Variants in PI4K2A observed in about 807,000 individuals in gnomAD.
PI4K2A encodes the protein phosphatidylinositol 4-kinase type 2-alpha.
A neutral mutation model predicts 55.0 loss-of-function variants in PI4K2A; 20 were observed. The observed-to-expected ratio is 0.36, with a 90% CI of 0.26 to 0.53. The LOEUF is 0.53. Among genes scored for constraint, PI4K2A ranks in the 20% least tolerant of loss-of-function variants. The pLI is 0.91. For missense variants in PI4K2A, 463 were observed against 637.1 expected, an observed-to-expected ratio of 0.73 and a Z score of 2.94; for synonymous variants, 235 against 258.5, an observed-to-expected ratio of 0.91 and a Z score of 0.87.
At chr10:97,654,966 A>T (rs1329375910) in intron 2 of PI4K2A, among the ~76,000 whole-genome samples, 1 of 152,158 alleles carries the variant, frequency 6.6e-6, no homozygotes, top group Non-Finnish European at 1.5e-5. Context: ...CCTTCCTCAG[A>T]GGCAGCCAGG....
In PI4K2A at chr10:97,656,333, G is replaced by T; in HGVS notation, c.685G>T (p.Val229Leu). Residue 229 changes from valine (V) to leucine (L), a missense_variant, in exon 3 of 9, where the codon GTG becomes TTG. Around this residue, in one of 2 missense-constraint regions of PI4K2A, gnomAD observed 277 missense variants for 432.6 expected, o/e 0.64. Coordinates refer to ENST00000370631, the Ensembl canonical transcript of PI4K2A. The surrounding 1 kb of genome is among the most constrained non-coding windows in gnomAD (Gnocchi z 4.5). Reference sequence around the variant, plus strand: ...CTTCAACTATAGTGCCATTGACCGAGTGAAGTCCAGGGGCAAGCGGCTTGC... The same window carrying T: ...CTTCAACTATAGTGCCATTGACCGATTGAAGTCCAGGGGCAAGCGGCTTGC... 6.2e-7 allele frequency: 1 copy of T among 1,613,768 alleles called. No individual in the cohort carries two copies. Among genetic ancestry groups the T allele is most frequent in the Non-Finnish European group, 8.5e-7 (1 of 1,179,656 alleles).
intron 1 of PI4K2A, among the ~76,000 whole-genome samples, chr10:97,650,256 A>G (rs2041524156): frequency 6.8e-6 from 1 of 146,264 alleles, no homozygotes. Flanking sequence ...CTCACGATCT[A>G]CCACTGAATT....
intron 8 of PI4K2A, among the ~76,000 whole-genome samples, chr10:97,671,168 C>A (rs1305478662): frequency 6.6e-6 from 1 of 151,614 alleles, no homozygotes; most frequent in African/African-American, 2.4e-5. Context: ...AGAGAGAAGA[C>A]AGGACACCTT....
At chr10:97,655,159 C>T (rs2041546831) in intron 2 of PI4K2A, among the ~76,000 whole-genome samples, 1 of 152,008 alleles carries the variant, frequency 6.6e-6, no homozygotes, top group Non-Finnish European at 1.5e-5. Context: ...CACCTGAGGT[C>T]AGGAGATCAA....
intron 5 of PI4K2A, 107 bp downstream of exon 5, chr10:97,663,075 G>A: frequency 2.6e-6 from 2 of 769,054 alleles, no homozygotes; most frequent in Non-Finnish European, 4.6e-6. Flanking sequence ...AGAATCGGGG[G>A]GCGCATATGT....
chr10:97,649,037 T>C (rs779419780), intron 1 of PI4K2A, among the ~76,000 whole-genome samples: 3 of 152,204 alleles, frequency 2.0e-5, no homozygotes, highest in Admixed American at 6.6e-5. Flanking sequence ...CGACCAGTTA[T>C]TGTTAGCGAC....
intron 1 of PI4K2A, among the ~76,000 whole-genome samples, chr10:97,641,531 G>C (rs181666002): frequency 2.6e-5 from 4 of 152,314 alleles, no homozygotes; most frequent in African/African-American, 9.6e-5. Context: ...CCGACTTGCA[G>C]ATTTGGGGCT....
intron 1 of PI4K2A, among the ~76,000 whole-genome samples, chr10:97,641,914 G>A (rs1372657246): frequency 2.0e-5 from 3 of 152,048 alleles, no homozygotes; most frequent in Non-Finnish European, 4.4e-5. Context: ...CCTTTATTTT[G>A]TCCCCTGCCT....
intron 1 of PI4K2A, among the ~76,000 whole-genome samples, chr10:97,642,884 TCTTCCTTC>T (rs1246613020): frequency 0.015 from 1,448 of 96,742 alleles, 68 homozygotes; most frequent in Middle Eastern, 0.072. Flanking sequence ...TTTCTTTCTT[TCTTCCTTC>T]CTTCCTTCCT....
rs1299527101 is a variant in PI4K2A, at chr10:97,650,862, C to G, written c.436-79C>G. On this transcript the variant is annotated intron_variant, in intron 1 of 8. Transcript: ENST00000370631. ...TCTGCCTATGCCCTGTCATTTCTTT[C>G]CAGATTCCTGCTGACTTGGTCTGTG... 3 of 1,057,994 alleles carry G rather than the reference C, an allele frequency of 2.8e-6. No individual in the cohort carries two copies. In the South Asian group the frequency reaches 4.3e-5, roughly 15 times the overall value. The allele number at this position is 1,057,994 out of a possible 1,614,324, so 65.5% of individuals were successfully genotyped here.
intron 8 of PI4K2A, among the ~76,000 whole-genome samples, chr10:97,670,864 G>A (rs1315253884): frequency 6.6e-6 from 1 of 152,120 alleles, no homozygotes. Flanking sequence ...AGGGCCAGGC[G>A]TGGTGGCTCA....
intron 8 of PI4K2A, among the ~76,000 whole-genome samples, chr10:97,668,332 C>CT (rs770235231): frequency 1.3e-5 from 2 of 152,192 alleles, no homozygotes; most frequent in Non-Finnish European, 2.9e-5. Context: ...AATCCCAGCA[C>CT]TTTGAGAGGC....
chr10:97,656,837 T>G lies in PI4K2A; in HGVS notation c.785T>G (p.Leu262Arg), dbSNP rs1168726095. Residue 262 changes from leucine to arginine, a missense_variant, in exon 4 of 9, where the codon CTC becomes CGC. Transcript: ENST00000370631. The surrounding 1 kb of genome is among the most constrained non-coding windows in gnomAD (Gnocchi z 4.5). Reference sequence around the variant, plus strand: ...TGGTTCCAGGTTGGTTCATTCCAGCTCTTTGTTGAAGGCTACAAAGATGCA... The same window carrying G: ...TGGTTCCAGGTTGGTTCATTCCAGCGCTTTGTTGAAGGCTACAAAGATGCA... 6.2e-7 allele frequency: 1 copy of G among 1,614,168 alleles called. No individual in the cohort carries two copies. Among genetic ancestry groups the G allele is most frequent in the East Asian group, 2.2e-5 (1 of 44,876 alleles).
chr10:97,644,049 C>T (rs2041492394), intron 1 of PI4K2A, among the ~76,000 whole-genome samples: 1 of 152,104 alleles, frequency 6.6e-6, no homozygotes, highest in Non-Finnish European at 1.5e-5. Flanking sequence ...CAGAGTCAGT[C>T]ATCAGAATTT....
At chr10:97,640,990 C>T in exon 1 of PI4K2A, 2 of 1,536,986 alleles carry the variant, frequency 1.3e-6, no homozygotes, top group East Asian at 4.9e-5. Flanking sequence ...CAGGCCCAGG[C>T]TCTGGCCGCT....
At position 97,662,013 on chromosome 10, in the gene PI4K2A, G is replaced by A. The variant is rs58309118; in HGVS notation, c.923-894G>A. Among the ~76,000 whole-genome samples the A allele has an allele frequency of 1.4e-4, 21 of 151,654 alleles. No individual in the cohort carries two copies. In the East Asian group the frequency reaches 3.3e-3, roughly 24 times the overall value. ...ACTATAGGCACGTACCACCACACCT[G>A]GCTAATCTTATTTACAATTTGTTTA... On this transcript the variant is annotated intron_variant, in intron 4 of 8. Transcript: ENST00000370631.
At chr10:97,650,652 G>T (rs2041526565) in intron 1 of PI4K2A, among the ~76,000 whole-genome samples, 1 of 152,178 alleles carries the variant, frequency 6.6e-6, no homozygotes, top group Admixed American at 6.5e-5. Context: ...AAAGTTAGAG[G>T]TAGGTACTTA....
At chr10:97,642,802 TCTTTCTTCCTTC>T (rs1169838298) in intron 1 of PI4K2A, among the ~76,000 whole-genome samples, 1 of 139,192 alleles carries the variant, frequency 7.2e-6, no homozygotes, top group Non-Finnish European at 1.5e-5. Flanking sequence ...GCTTGCTTTC[TCTTTCTTCCTTC>T]CTTCCTTCCT....
At chr10:97,641,419 G>C (rs1055251008) in intron 1 of PI4K2A, among the ~76,000 whole-genome samples, 1 of 152,070 alleles carries the variant, frequency 6.6e-6, no homozygotes, top group African/African-American at 2.4e-5. Flanking sequence ...GACCAGATAC[G>C]GGCCGGGGGC....
Sources: gnomAD v4.1 joint callset for allele counts (sites outside exome capture counted in the v4.1 genomes callset) on GRCh38, gnomAD v4.1.1 for gene constraint, gnomAD v4.1.1 regional missense constraint, Gnocchi (gnomAD v3.1) non-coding constraint, MANE v1.5 for transcripts, NCBI Gene and HGNC (gene_info 2026-07-23, HGNC 2026-07-21) for gene names.